The following NRXN1 variants were observed in gnomAD, a reference collection of about 807,000 sequenced individuals.
The protein encoded by NRXN1 is neurexin-1.
In NRXN1, 39 loss-of-function variants were observed where a neutral mutation model predicts 150.9. The ratio of observed to expected loss-of-function variants is 0.26; its 90% CI spans 0.20 to 0.34. NRXN1 has a LOEUF of 0.34. Ranked by LOEUF, NRXN1 falls within the 10% of genes least tolerant of loss-of-function variation. NRXN1 has a pLI of 1.00. For synonymous variants in NRXN1, 924 were observed against 757.0 expected, an observed-to-expected ratio of 1.22 and a Z score of -3.62; for missense variants, 1,815 against 1,949.9, an observed-to-expected ratio of 0.93 and a Z score of 1.30.
intron 18 of NRXN1, among the ~76,000 whole-genome samples, chr2:50,190,613 C>CTTT (rs11427672): frequency 5.3e-5 from 7 of 132,520 alleles, no homozygotes; most frequent in Non-Finnish European, 1.1e-4. Context: ...CTTTTTTTTT[C>CTTT]TTTTTTTTTT....
chr2:50,024,475 G>C lies in NRXN1; in HGVS notation c.4128+28796C>G, dbSNP rs111932345. ...ACAATATATGTGCTATCTTATAGGA[G>C]AAAGCTAACAGTTTCCTTTAAAGGG... is the stretch of plus-strand genomic sequence containing the variant. On this transcript the variant is annotated intron_variant, in intron 21 of 22. Coordinates refer to ENST00000401669, the MANE Select transcript of NRXN1 (RefSeq NM_001330078.2). Among the ~76,000 whole-genome samples, 327 of 152,282 alleles carry C rather than the reference G, an allele frequency of 2.1e-3. 3 individuals carry two copies. Among genetic ancestry groups the C allele is most frequent in the African/African-American group, 7.6e-3 (316 of 41,554 alleles).
chr2:50,752,002 C>T (rs1266929159), intron 5 of NRXN1, among the ~76,000 whole-genome samples: 1 of 151,894 alleles, frequency 6.6e-6, no homozygotes, highest in Non-Finnish European at 1.5e-5. Flanking sequence ...GAAATGGAAC[C>T]CAGTCTGCCC....
chr2:50,863,566 TTAAAGATTAAGCTC>T (rs1306966441), intron 5 of NRXN1, among the ~76,000 whole-genome samples: 3 of 151,990 alleles, frequency 2.0e-5, no homozygotes, highest in Non-Finnish European at 2.9e-5. Flanking sequence ...ACACAGCCCT[TTAAAGATTAAGCTC>T]TAAATGGCCA....
intron 9 of NRXN1, among the ~76,000 whole-genome samples, chr2:50,539,418 T>G (rs912412553): frequency 6.6e-6 from 1 of 152,180 alleles, no homozygotes; most frequent in African/African-American, 2.4e-5. Flanking sequence ...GAGAAAAATC[T>G]ATTGGTTTAT....
intron 17 of NRXN1, among the ~76,000 whole-genome samples, chr2:50,279,304 C>A (rs1462962061): frequency 6.6e-6 from 1 of 152,080 alleles, no homozygotes; most frequent in Non-Finnish European, 1.5e-5. Context: ...GAAAATAGAT[C>A]AATCTAAATA....
At chr2:50,490,416 C>G (rs895593402) in intron 15 of NRXN1, among the ~76,000 whole-genome samples, 6 of 152,292 alleles carry the variant, frequency 3.9e-5, no homozygotes, top group Middle Eastern at 3.4e-3. Context: ...GTTCAAAAAG[C>G]TACCTCTGTG....
chr2:50,609,141 G>T (rs1677614605), intron 8 of NRXN1, among the ~76,000 whole-genome samples: 1 of 152,066 alleles, frequency 6.6e-6, no homozygotes, highest in South Asian at 2.1e-4. Flanking sequence ...TGGTCTCCAA[G>T]TTAATTCAAT....
At chr2:50,621,322 A>C in intron 6 of NRXN1, 73 bp from the exon 7 acceptor site, 1 of 1,163,528 alleles carries the variant, frequency 8.6e-7, no homozygotes, top group Non-Finnish European at 1.3e-6. Flanking sequence ...AAAAAATATG[A>C]TGGTCTCTAC....
chr2:50,522,157 G>C (rs2092806870), intron 12 of NRXN1, among the ~76,000 whole-genome samples: 1 of 152,118 alleles, frequency 6.6e-6, no homozygotes, highest in Non-Finnish European at 1.5e-5. Flanking sequence ...TCTTCATAAC[G>C]ACAACAAATA....
At chr2:51,031,160 A>G (rs1671483231) in intron 1 of NRXN1, among the ~76,000 whole-genome samples, 1 of 152,064 alleles carries the variant, frequency 6.6e-6, no homozygotes, top group Admixed American at 6.6e-5. Flanking sequence ...ATATGGAGAA[A>G]AGAGGATTCT....
chr2:50,002,683 C>T lies in NRXN1; in HGVS notation c.4128+50588G>A, dbSNP rs113960996. Among the ~76,000 whole-genome samples the T allele has an allele frequency of 6.6e-5, 10 of 152,070 alleles. 2 individuals carry two copies. The highest frequency in any genetic ancestry group is 2.4e-4 in the African/African-American group (10 of 41,502). ...TCTGATGAGCTTCTGTCATCCTTCC[C>T]TCATTTTTCTGCCCTGCTCTGTCCG... is the stretch of plus-strand genomic sequence containing the variant. On this transcript the variant is annotated intron_variant, in intron 21 of 22. Coordinates refer to ENST00000401669, the MANE Select transcript of NRXN1 (RefSeq NM_001330078.2).
chr2:50,998,011 C>G (rs2105057442), intron 2 of NRXN1, among the ~76,000 whole-genome samples: 1 of 141,132 alleles, frequency 7.1e-6, no homozygotes, highest in South Asian at 2.3e-4. Flanking sequence ...TCCAGAGAAG[C>G]CAAATTTAGT....
At chr2:50,631,744 G>A (rs574084236) in intron 5 of NRXN1, among the ~76,000 whole-genome samples, 1 of 151,972 alleles carries the variant, frequency 6.6e-6, no homozygotes, top group Non-Finnish European at 1.5e-5. Context: ...GTGTCTGGCT[G>A]GACTGACTAG....
chr2:50,938,864 C>T (rs1688946271), intron 2 of NRXN1, among the ~76,000 whole-genome samples: 1 of 152,014 alleles, frequency 6.6e-6, no homozygotes, highest in Non-Finnish European at 1.5e-5. Context: ...CACAGGTACC[C>T]TACAGGCTTA....
intron 8 of NRXN1, among the ~76,000 whole-genome samples, chr2:50,603,590 C>T (rs928598275): frequency 2.6e-5 from 4 of 152,012 alleles, no homozygotes; most frequent in African/African-American, 9.7e-5. Flanking sequence ...TCTCTCTTAC[C>T]TTTTTGGAAT....
chr2:50,418,266 C>T (rs978732518), intron 17 of NRXN1, among the ~76,000 whole-genome samples: 1 of 151,970 alleles, frequency 6.6e-6, no homozygotes, highest in Non-Finnish European at 1.5e-5. Flanking sequence ...CCTGAACAGG[C>T]TCAAAAAGTT....
intron 21 of NRXN1, among the ~76,000 whole-genome samples, chr2:50,034,302 C>T (rs547352087): frequency 6.6e-6 from 1 of 152,162 alleles, no homozygotes; most frequent in South Asian, 2.1e-4. Flanking sequence ...CCATGGAATA[C>T]TATGCAGCCA....
At chr2:50,681,674 C>A (rs1486684574) in intron 5 of NRXN1, among the ~76,000 whole-genome samples, 2 of 152,032 alleles carry the variant, frequency 1.3e-5, no homozygotes, top group African/African-American at 4.8e-5. Flanking sequence ...GTCTAGTAAC[C>A]CACAAAAAGC....
intron 5 of NRXN1, among the ~76,000 whole-genome samples, chr2:50,716,758 G>A (rs1269394405): frequency 1.3e-5 from 2 of 152,060 alleles, no homozygotes; most frequent in Non-Finnish European, 1.5e-5. Context: ...CACCATGCTA[G>A]GCATCTTTAC....
Sources: gnomAD v4.1 joint callset for allele counts (sites outside exome capture counted in the v4.1 genomes callset) on GRCh38, gnomAD v4.1.1 for gene constraint, MANE v1.5 for transcripts, NCBI Gene and HGNC (gene_info 2026-07-23, HGNC 2026-07-21) for gene names.